The following ANO2 variants were observed in gnomAD, a reference collection of about 807,000 sequenced individuals.
ANO2 encodes anoctamin 2.
ANO2 carries 101 observed loss-of-function variants against 124.2 expected under a neutral mutation model. The observed-to-expected ratio is 0.81, with a 90% CI of 0.69 to 0.96. ANO2 has a LOEUF of 0.96. ANO2 is among the 40% of genes least tolerant of loss of function. The pLI is 0.00. For missense variants in ANO2, 1,293 were observed against 1,274.5 expected, an observed-to-expected ratio of 1.01 and a Z score of -0.22; for synonymous variants, 486 against 482.5, an observed-to-expected ratio of 1.01 and a Z score of -0.09.
At chr12:5,743,791 T>A (rs1240991838) in intron 12 of ANO2, among the ~76,000 whole-genome samples, 2 of 152,080 alleles carry the variant, frequency 1.3e-5, no homozygotes, top group Non-Finnish European at 2.9e-5. Context: ...ACTCCACCAT[T>A]CTAAGTATTG....
At chr12:5,744,036 C>A in intron 12 of ANO2, 121 bp downstream of exon 12, 1 of 1,205,586 alleles carries the variant, frequency 8.3e-7, no homozygotes, top group Non-Finnish European at 1.2e-6. Context: ...TAAAATACTT[C>A]TTGTGATGGG....
At chr12:5,910,589 A>T (rs1001494040) in intron 3 of ANO2, among the ~76,000 whole-genome samples, 2 of 152,214 alleles carry the variant, frequency 1.3e-5, no homozygotes, top group Non-Finnish European at 1.5e-5. Context: ...GTTGATGAAA[A>T]TAAAGATGTA....
At chr12:5,728,415 AT>A (rs1457696390) in intron 14 of ANO2, among the ~76,000 whole-genome samples, 3 of 152,188 alleles carry the variant, frequency 2.0e-5, no homozygotes, top group East Asian at 1.9e-4. Flanking sequence ...CATCAAAAAA[AT>A]AAAATAATTA....
In ANO2 at chr12:5,695,366, C is replaced by T. The variant is rs1245896208; in HGVS notation, c.1545+37154G>A. ...TTGGTCAGCATTCTTTTCAAGTACACATGGAACTTAAAAAAAAAAAAAAAA... is the reference window on the plus strand; with the variant it reads ...TTGGTCAGCATTCTTTTCAAGTACATATGGAACTTAAAAAAAAAAAAAAAA... On this transcript the variant is annotated intron_variant, in intron 14 of 24. Transcript: ENST00000682330. Among the ~76,000 whole-genome samples, 4 of 145,342 alleles carry T rather than the reference C, an allele frequency of 2.8e-5. No individual in the cohort carries two copies. The East Asian group carries it at 7.9e-4, about 29-fold the overall frequency.
chr12:5,672,724 G>A (rs1030514591), intron 14 of ANO2, among the ~76,000 whole-genome samples: 3 of 152,174 alleles, frequency 2.0e-5, no homozygotes, highest in African/African-American at 7.2e-5. Context: ...CCAGTGACCT[G>A]GCACTGAGGA....
At chr12:5,910,647 C>A (rs921312212) in intron 3 of ANO2, among the ~76,000 whole-genome samples, 20 of 152,156 alleles carry the variant, frequency 1.3e-4, no homozygotes, top group Non-Finnish European at 2.2e-4. Context: ...ATTCTATCCA[C>A]AAAACCCTCA....
chr12:5,852,109 G>T, intron 4 of ANO2: 1 of 642,278 alleles, frequency 1.6e-6, no homozygotes, highest in African/African-American at 1.8e-5. Context: ...GAGGAGATAG[G>T]GTTGGCCAAA....
chr12:5,846,340 T>G (rs1259040868), intron 4 of ANO2, among the ~76,000 whole-genome samples: 1 of 152,176 alleles, frequency 6.6e-6, no homozygotes, highest in East Asian at 1.9e-4. Context: ...GGAAGATCCA[T>G]GCACCAAGTC....
At chr12:5,755,390 T>C in intron 10 of ANO2, among the ~76,000 whole-genome samples, 1 of 131,456 alleles carries the variant, frequency 7.6e-6, no homozygotes, top group South Asian at 2.2e-4. Flanking sequence ...TTATTTATTT[T>C]ATTTATTTAT....
chr12:5,906,665 C>T (rs375701733), intron 3 of ANO2, among the ~76,000 whole-genome samples: 2 of 151,838 alleles, frequency 1.3e-5, no homozygotes, highest in Non-Finnish European at 2.9e-5. Flanking sequence ...CATGGTGGTG[C>T]GCACCTGTAG....
At chr12:5,938,554 C>T (rs1985851) in intron 1 of ANO2, among the ~76,000 whole-genome samples, 51,687 of 152,084 alleles carry the variant, frequency 0.34, 11,020 homozygotes, top group East Asian at 0.79. Context: ...GGCATGGTGG[C>T]TCACGCCTAT....
At chr12:5,889,341 G>A (rs1939221125) in intron 3 of ANO2, among the ~76,000 whole-genome samples, 1 of 152,282 alleles carries the variant, frequency 6.6e-6, no homozygotes. Flanking sequence ...CCACCAAAGT[G>A]GGAGCCGAGA....
intron 23 of ANO2, among the ~76,000 whole-genome samples, chr12:5,571,053 G>A (rs369172544): frequency 1.3e-5 from 2 of 152,240 alleles, no homozygotes; most frequent in South Asian, 2.1e-4. Flanking sequence ...GTCAGGATAC[G>A]GGGTGTGCAA....
At chr12:5,805,977 C>A in intron 9 of ANO2, 75 bp downstream of exon 9, 1 of 1,437,538 alleles carries the variant, frequency 7.0e-7, no homozygotes, top group Non-Finnish European at 9.6e-7. Flanking sequence ...ACATCTAAGA[C>A]ACTTCTAGCC....
chr12:5,798,990 C>A (rs1336392489), intron 10 of ANO2, among the ~76,000 whole-genome samples: 1 of 152,242 alleles, frequency 6.6e-6, no homozygotes, highest in African/African-American at 2.4e-5. Context: ...GGACATCATT[C>A]TGTGACAACA....
chr12:5,856,475 C>T (rs1955100323), intron 3 of ANO2: 1 of 152,148 alleles, frequency 6.6e-6, no homozygotes, highest in Admixed American at 6.5e-5. Context: ...AGCACATGGC[C>T]ATCCAGCATT....
intron 6 of ANO2, among the ~76,000 whole-genome samples, chr12:5,828,615 C>T (rs147195374): frequency 4.6e-5 from 7 of 152,338 alleles, no homozygotes; most frequent in African/African-American, 1.7e-4. Context: ...GACTCAGTGG[C>T]TTTGCCTGCC....
rs745810974 is a variant in ANO2, at chr12:5,921,068, G to A, written c.506C>T (p.Ala169Val). 1.5e-5 allele frequency: 24 copies of A among 1,611,976 alleles called. No individual in the cohort carries two copies. Among genetic ancestry groups the A allele is most frequent in the Non-Finnish European group, 2.0e-5 (24 of 1,178,420 alleles). Residue 169 changes from alanine (A) to valine (V), a missense_variant, in exon 3 of 25, where the codon GCT becomes GTT. Coordinates refer to ENST00000682330, the MANE Select transcript of ANO2 (RefSeq NM_001364791.2). ...REEFEHNLME[A>V]GLELEKDLEN... is the part of the protein sequence containing the mutation. ...CAAGTCCTTCTCAAGCTCCAGTCCA[G>A]CCTCCATCAGATTGTGCTCAAATTC...
intron 19 of ANO2, among the ~76,000 whole-genome samples, chr12:5,610,041 A>ATTTATGT (rs1944413312): frequency 7.3e-6 from 1 of 137,732 alleles, no homozygotes. Flanking sequence ...ATAGATAAAT[A>ATTTATGT]TAAATATATT....
Sources: gnomAD v4.1 joint callset for allele counts (sites outside exome capture counted in the v4.1 genomes callset) on GRCh38, gnomAD v4.1.1 for gene constraint, MANE v1.5 for transcripts, NCBI Gene and HGNC (gene_info 2026-07-23, HGNC 2026-07-21) for gene names.